CLEC9A: variants seen among roughly 807,000 people sequenced by gnomAD.
CLEC9A encodes C-type lectin domain containing 9A.
Under a neutral mutation model 30.0 loss-of-function variants are expected in CLEC9A, and 24 were observed. That is an observed-to-expected ratio of 0.80 (90% confidence interval 0.58 to 1.13). CLEC9A has a LOEUF of 1.13. Among genes scored for constraint, CLEC9A ranks in the 50% most tolerant of loss-of-function variants. The pLI is 0.00. For synonymous variants in CLEC9A, 111 were observed against 96.8 expected (o/e 1.15, Z -0.86); for missense variants, 251 against 280.9 (o/e 0.89, Z 0.76).
chr12:10,053,041 G>A (rs559429040), intron 4 of CLEC9A, among the ~76,000 whole-genome samples: 17 of 152,054 alleles, frequency 1.1e-4, no homozygotes, highest in African/African-American at 1.9e-4. Context: ...TGGGAAATAC[G>A]TGAAAAAAAT....
At chr12:10,060,204 G>T (rs565682645) in intron 5 of CLEC9A, among the ~76,000 whole-genome samples, 1 of 152,152 alleles carries the variant, frequency 6.6e-6, no homozygotes, top group Non-Finnish European at 1.5e-5. Context: ...ACTCTTGAGC[G>T]TATACCTCAT....
intron 5 of CLEC9A, among the ~76,000 whole-genome samples, chr12:10,055,302 A>C (rs1167402466): frequency 6.6e-6 from 1 of 152,218 alleles, no homozygotes; most frequent in Non-Finnish European, 1.5e-5. Context: ...TTCGCTTTTT[A>C]AGAAGCACAC....
chr12:10,060,618 C>T (rs565576702), intron 5 of CLEC9A: 1 of 154,634 alleles, frequency 6.5e-6, no homozygotes, highest in Non-Finnish European at 1.4e-5. Context: ...GTGGAGGAGC[C>T]GAGTATCTTG....
At chr12:10,043,637 T>G (rs1191569916) in intron 2 of CLEC9A, among the ~76,000 whole-genome samples, 2 of 150,102 alleles carry the variant, frequency 1.3e-5, no homozygotes, top group Admixed American at 6.7e-5. Flanking sequence ...TGTGTGTGTG[T>G]CTTTAAATTG....
chr12:10,049,045 G>A (rs1327323825), intron 2 of CLEC9A, among the ~76,000 whole-genome samples: 1 of 152,156 alleles, frequency 6.6e-6, no homozygotes, highest in Non-Finnish European at 1.5e-5. Context: ...CAGAAATGGA[G>A]GCTGTGTTAG....
At chr12:10,057,861 C>T (rs966833201) in intron 5 of CLEC9A, among the ~76,000 whole-genome samples, 4 of 151,960 alleles carry the variant, frequency 2.6e-5, no homozygotes, top group Non-Finnish European at 5.9e-5. Flanking sequence ...ATTAAAAAAT[C>T]TATAGTTCAA....
intron 6 of CLEC9A, among the ~76,000 whole-genome samples, chr12:10,062,320 T>TG (rs1166351232): frequency 6.6e-6 from 1 of 152,220 alleles, no homozygotes; most frequent in African/African-American, 2.4e-5. Context: ...GAAGTTTCAG[T>TG]GTCTTTCCTT....
chr12:10,032,011 G>C (rs568741229), intron 1 of CLEC9A, among the ~76,000 whole-genome samples: 5 of 152,096 alleles, frequency 3.3e-5, no homozygotes, highest in Non-Finnish European at 7.4e-5. Context: ...GATGCTCAAT[G>C]TCATACCTTA....
At chr12:10,044,641 T>C (rs991633333) in intron 2 of CLEC9A, among the ~76,000 whole-genome samples, 2 of 152,232 alleles carry the variant, frequency 1.3e-5, no homozygotes, top group Non-Finnish European at 2.9e-5. Flanking sequence ...ACTTCTTCAA[T>C]GAGGCTAAGT....
At chr12:10,061,623 A>G (rs1865999463) in intron 6 of CLEC9A, among the ~76,000 whole-genome samples, 1 of 152,202 alleles carries the variant, frequency 6.6e-6, no homozygotes, top group Admixed American at 6.6e-5. Context: ...ATTTCCCAAT[A>G]TATTTAGTTT....
chr12:10,046,176 C>T (rs189912821), intron 2 of CLEC9A, among the ~76,000 whole-genome samples: 12 of 152,148 alleles, frequency 7.9e-5, no homozygotes, highest in Non-Finnish European at 1.2e-4. Context: ...TCCATTTATA[C>T]CTCACAGTTC....
chr12:10,046,306 G>GA (rs757671242), intron 2 of CLEC9A, among the ~76,000 whole-genome samples: 52 of 152,062 alleles, frequency 3.4e-4, no homozygotes, highest in South Asian at 2.1e-4. Context: ...TGGCTTACAG[G>GA]AAACAGAGAG....
At chr12:10,051,832 C>G (rs543085110) in intron 2 of CLEC9A, among the ~76,000 whole-genome samples, 159 bp from the exon 3 acceptor site, 61 of 152,300 alleles carry the variant, frequency 4.0e-4, no homozygotes, top group African/African-American at 1.4e-3. Flanking sequence ...AAGTGGTCAT[C>G]AAGAGCTTGC....
At chr12:10,053,336 A>T (rs188667838) in intron 4 of CLEC9A, among the ~76,000 whole-genome samples, 3 of 152,302 alleles carry the variant, frequency 2.0e-5, no homozygotes, top group Admixed American at 2.0e-4. Flanking sequence ...GCTGAAACCA[A>T]GGTGTTGGCA....
rs1591883822 is a variant in CLEC9A at position 10,038,277 on chromosome 12, T to C, written c.-317-3189T>C. On this transcript the variant is annotated intron_variant, in intron 1 of 8. Transcript: ENST00000355819. Reference sequence around the variant, plus strand: ...TTTGTTTCCAAAATCAGGTACTGTCTTTTTTGTTTGTTTGTTTATTCTTCA... The same window carrying C: ...TTTGTTTCCAAAATCAGGTACTGTCCTTTTTGTTTGTTTGTTTATTCTTCA... 3.3e-5 allele frequency among the ~76,000 whole-genome samples: 5 copies of C among 152,264 alleles called. No individual in the cohort carries two copies. The South Asian group carries it at 1.0e-3, about 32-fold the overall frequency.
chr12:10,033,554 C>T (rs1159416031), intron 1 of CLEC9A, among the ~76,000 whole-genome samples: 1 of 152,172 alleles, frequency 6.6e-6, no homozygotes, highest in Non-Finnish European at 1.5e-5. Context: ...ATGAATATTC[C>T]ATACCTACGG....
chr12:10,049,384 C>T (rs1865874506), intron 2 of CLEC9A, among the ~76,000 whole-genome samples: 1 of 152,148 alleles, frequency 6.6e-6, no homozygotes. Context: ...TCAGCTTGTC[C>T]TTTGAAGCTT....
chr12:10,051,738 G>A (rs150030765), intron 2 of CLEC9A, among the ~76,000 whole-genome samples: 1 of 152,312 alleles, frequency 6.6e-6, no homozygotes, highest in African/African-American at 2.4e-5. Context: ...AATGATGAAT[G>A]ATGATTAAAG....
chr12:10,064,830 T>G lies in CLEC9A; in HGVS notation c.570T>G (p.Asp190Glu), dbSNP rs898480522. 17 of 1,613,290 alleles carry G rather than the reference T, an allele frequency of 1.1e-5. No homozygotes were observed. The highest frequency in any genetic ancestry group is 1.4e-5 in the Non-Finnish European group (17 of 1,179,664). ...DGHSGRWLWQ[D>E]GSSPSPGLLP... The stretch of plus-strand genomic sequence containing the variant: ...ACAGCGGACGCTGGCTTTGGCAAGA[T>G]GGCTCCTCTCCTTCTCCTGGCCTGT... Residue 190 changes from aspartate (D) to glutamate (E), a missense_variant, in exon 8 of 9, where the codon GAT becomes GAG. Coordinates refer to ENST00000355819, the MANE Select transcript of CLEC9A (RefSeq NM_207345.4).
Sources: gnomAD v4.1 joint callset for allele counts (sites outside exome capture counted in the v4.1 genomes callset) on GRCh38, gnomAD v4.1.1 for gene constraint, MANE v1.5 for transcripts, NCBI Gene and HGNC (gene_info 2026-07-23, HGNC 2026-07-21) for gene names.